Variants in COP1 observed in about 807,000 individuals in gnomAD.
COP1 encodes the protein COP1 E3 ubiquitin ligase, also known as E3 ubiquitin-protein ligase COP1.
A neutral mutation model predicts 101.3 loss-of-function variants in COP1; 24 were observed. The observed-to-expected ratio is 0.24, with a 90% CI of 0.17 to 0.33. COP1 has a LOEUF of 0.33. COP1 is among the 10% of genes least tolerant of loss of function. COP1 has a pLI of 1.00. For synonymous variants in COP1, 347 were observed against 341.9 expected (o/e 1.01, Z -0.17); for missense variants, 663 against 906.2 (o/e 0.73, Z 3.45).
intron 18 of COP1, among the ~76,000 whole-genome samples, chr1:175,977,623 A>C (rs563832289): frequency 5.3e-4 from 81 of 152,296 alleles, no homozygotes; most frequent in Middle Eastern, 3.4e-3. Flanking sequence ...GAGTGTCATG[A>C]GAACAACAGT....
intron 11 of COP1, among the ~76,000 whole-genome samples, chr1:176,067,454 G>A (rs1270048759): frequency 6.6e-6 from 1 of 152,136 alleles, no homozygotes; most frequent in African/African-American, 2.4e-5. Context: ...GAACACATCG[G>A]TACAAGAGCA....
At chr1:176,003,169 C>G (rs1032388967) in intron 15 of COP1, among the ~76,000 whole-genome samples, 13 of 152,084 alleles carry the variant, frequency 8.5e-5, no homozygotes, top group African/African-American at 3.1e-4. Context: ...TGAGAAGTGT[C>G]TGTTCATGTC....
chr1:175,948,882 G>T (rs1160955066), intron 18 of COP1, among the ~76,000 whole-genome samples: 1 of 151,882 alleles, frequency 6.6e-6, no homozygotes, highest in Admixed American at 6.6e-5. Flanking sequence ...AGTAACATGG[G>T]GGCTGGGCGC....
chr1:175,975,073 A>G (rs1654196137), intron 18 of COP1, among the ~76,000 whole-genome samples: 1 of 152,162 alleles, frequency 6.6e-6, no homozygotes, highest in Non-Finnish European at 1.5e-5. Context: ...GGCAGGTAGG[A>G]AATCTCTTCC....
chr1:176,075,361 T>C (rs1377049405), intron 11 of COP1, among the ~76,000 whole-genome samples: 2 of 152,214 alleles, frequency 1.3e-5, no homozygotes, highest in East Asian at 3.8e-4. Context: ...ATATACATAA[T>C]AAATTCAAAT....
At chr1:176,073,649 G>A (rs1677413142) in intron 11 of COP1, among the ~76,000 whole-genome samples, 1 of 152,138 alleles carries the variant, frequency 6.6e-6, no homozygotes, top group Admixed American at 6.6e-5. Context: ...CTACTTATGA[G>A]AGTGAACTTC....
intron 2 of COP1, among the ~76,000 whole-genome samples, chr1:176,179,854 T>TCTCAGA (rs1186796340): frequency 6.8e-6 from 1 of 147,018 alleles, no homozygotes; most frequent in East Asian, 2.0e-4. Context: ...CTACACTATC[T>TCTCAGA]CTCAGACAAA....
At chr1:176,097,775 G>A (rs887158822) in intron 9 of COP1, among the ~76,000 whole-genome samples, 3 of 151,254 alleles carry the variant, frequency 2.0e-5, no homozygotes, top group Non-Finnish European at 2.9e-5. Context: ...AGGCTGAGGC[G>A]GGACAATCGC....
intron 8 of COP1, among the ~76,000 whole-genome samples, chr1:176,119,395 GAT>G (rs2149616852): frequency 6.6e-6 from 1 of 152,060 alleles, no homozygotes; most frequent in South Asian, 2.1e-4. Context: ...GAATGATATT[GAT>G]ATCTCAGTGT....
intron 18 of COP1, among the ~76,000 whole-genome samples, chr1:175,976,270 C>CTTTTTTTT (rs10694480): frequency 0.055 from 3,153 of 56,816 alleles, 1,005 homozygotes; most frequent in East Asian, 0.088. Flanking sequence ...ATTAGTCATT[C>CTTTTTTTT]TTTTTTTTTT....
At chr1:176,135,176 C>T in intron 7 of COP1, 90 bp from the exon 8 acceptor site, 1 of 847,784 alleles carries the variant, frequency 1.2e-6, no homozygotes, top group Non-Finnish European at 1.8e-6. Flanking sequence ...TTTCTATTCC[C>T]AGGTTTTCAT....
chr1:175,977,402 A>G (rs898546210), intron 18 of COP1, among the ~76,000 whole-genome samples: 2 of 152,194 alleles, frequency 1.3e-5, no homozygotes, highest in Non-Finnish European at 2.9e-5. Context: ...TGGCTTCTTT[A>G]CAGCAATTAT....
intron 8 of COP1, among the ~76,000 whole-genome samples, chr1:176,128,448 C>T (rs1688394612): frequency 6.6e-6 from 1 of 151,914 alleles, no homozygotes; most frequent in Non-Finnish European, 1.5e-5. Flanking sequence ...ATTTTACTGA[C>T]TTTGGCATCA....
At chr1:176,075,919 C>T (rs1457138449) in intron 11 of COP1, among the ~76,000 whole-genome samples, 4 of 146,206 alleles carry the variant, frequency 2.7e-5, no homozygotes, top group Non-Finnish European at 5.9e-5. Context: ...AGGAAAATCG[C>T]TTGAACCTGG....
intron 18 of COP1, among the ~76,000 whole-genome samples, chr1:175,961,834 A>G (rs1651403712): frequency 6.6e-6 from 1 of 152,174 alleles, no homozygotes; most frequent in South Asian, 2.1e-4. Context: ...ATGGAAGAAT[A>G]AAACTTGAAA....
chr1:176,043,488 T>C (rs1670991950), intron 13 of COP1, among the ~76,000 whole-genome samples: 2 of 152,132 alleles, frequency 1.3e-5, no homozygotes, highest in Non-Finnish European at 2.9e-5. Flanking sequence ...ACCTGATACA[T>C]TCCATAAAGA....
intron 5 of COP1, among the ~76,000 whole-genome samples, chr1:176,158,630 CTTTTTTTTTTTT>C (rs35518162): frequency 5.0e-5 from 4 of 79,312 alleles, no homozygotes; most frequent in Non-Finnish European, 8.8e-5. Context: ...TTTTAAGGTT[CTTTTTTTTTTTT>C]TTTTTTTTTT....
At chr1:176,093,519 C>T (rs1214931695) in intron 9 of COP1, among the ~76,000 whole-genome samples, 2 of 151,696 alleles carry the variant, frequency 1.3e-5, no homozygotes, top group Non-Finnish European at 2.9e-5. Context: ...CTATCCTGGC[C>T]AAAACAGTGA....
At chr1:176,067,270 G>A (rs1322378102) in intron 11 of COP1, among the ~76,000 whole-genome samples, 1 of 152,128 alleles carries the variant, frequency 6.6e-6, no homozygotes, top group African/African-American at 2.4e-5. Flanking sequence ...GGTCCCTGGT[G>A]AGGACTCCAA....
Sources: allele counts gnomAD v4.1 joint callset (sites outside exome capture counted in the v4.1 genomes callset), GRCh38; gene constraint gnomAD v4.1.1; transcripts MANE v1.5; gene names NCBI Gene and HGNC (gene_info 2026-07-23, HGNC 2026-07-21).